FOXP1: variants seen among roughly 807,000 people sequenced by gnomAD.
FOXP1 encodes forkhead box protein P1.
FOXP1 carries 15 observed loss-of-function variants against 98.2 expected under a neutral mutation model. The observed-to-expected ratio is 0.15, with a 90% CI of 0.10 to 0.24. FOXP1 has a LOEUF of 0.24. Among genes scored for constraint, FOXP1 ranks in the 10% least tolerant of loss-of-function variants. The probability of loss-of-function intolerance (pLI) is 1.00; values close to 1 mark genes in which losing one functional copy is unlikely to be tolerated. For synonymous variants in FOXP1, 371 were observed against 314.5 expected (o/e 1.18, Z -1.90); for missense variants, 633 against 848.5 (o/e 0.75, Z 3.15).
At chr3:71,100,261 C>T (rs2056835805) in intron 7 of FOXP1, among the ~76,000 whole-genome samples, 1 of 152,370 alleles carries the variant, frequency 6.6e-6, no homozygotes, top group East Asian at 1.9e-4. Context: ...TTGGTAGTCA[C>T]AACAAAACCT....
chr3:71,096,119 T>C (rs773430439), intron 7 of FOXP1, among the ~76,000 whole-genome samples: 3 of 152,210 alleles, frequency 2.0e-5, no homozygotes, highest in South Asian at 2.1e-4. Flanking sequence ...CTGATGACTA[T>C]AGATGGCTTG....
chr3:71,094,257 T>C (rs560708845), intron 7 of FOXP1, among the ~76,000 whole-genome samples: 1 of 151,626 alleles, frequency 6.6e-6, no homozygotes, highest in Admixed American at 6.6e-5. Flanking sequence ...GAATTTCATA[T>C]AATTCCCTTT....
intron 4 of FOXP1, among the ~76,000 whole-genome samples, chr3:71,335,597 A>G (rs952450388): frequency 6.6e-6 from 1 of 152,212 alleles, no homozygotes; most frequent in African/African-American, 2.4e-5. Flanking sequence ...TGAGGCCTGG[A>G]CACACTCACA....
rs1009597631 is a variant in FOXP1, at chr3:71,581,626, C to CGCCGCT, written c.-381_-376dup. On this transcript the variant is annotated 5_prime_UTR_variant, in exon 2 of 21. Coordinates refer to ENST00000649528, the MANE Select transcript of FOXP1 (RefSeq NM_001349338.3). ...GCGCCGGCAGCACCATGGTCCCCGG[C>CGCCGCT]GCCGCTGCCGCTGCCCCCGGCCCGC... The CGCCGCT allele has an allele frequency of 1.7e-4, 167 of 985,860 alleles. No homozygotes were observed. The highest frequency in any genetic ancestry group is 2.5e-4 in the Admixed American group (4 of 16,292). 61.1% of individuals were successfully genotyped at this position (985,860 alleles called of 1,614,324 possible). A position where few individuals can be genotyped will look rare whatever the true frequency, so the allele number is the denominator to read the frequency against.
intron 4 of FOXP1, among the ~76,000 whole-genome samples, chr3:71,344,137 A>G (rs2077184560): frequency 6.6e-6 from 1 of 152,212 alleles, no homozygotes; most frequent in South Asian, 2.1e-4. Flanking sequence ...GTGGCATTGC[A>G]TACGCATATC....
chr3:70,970,265 C>G (rs2035923347), intron 19 of FOXP1: 2 of 183,130 alleles, frequency 1.1e-5, no homozygotes, highest in African/African-American at 2.4e-5. Context: ...GAACCAGACC[C>G]CAGATCCTCC....
chr3:71,558,800 C>CA (rs2046331573), intron 2 of FOXP1, among the ~76,000 whole-genome samples: 1 of 115,576 alleles, frequency 8.7e-6, no homozygotes, highest in Non-Finnish European at 1.8e-5. Context: ...AGCCGATTCT[C>CA]ACTTTTTTTT....
chr3:71,029,061 C>T (rs1235431588), intron 11 of FOXP1, among the ~76,000 whole-genome samples: 1 of 152,206 alleles, frequency 6.6e-6, no homozygotes, highest in Non-Finnish European at 1.5e-5. Flanking sequence ...TCCTAACAGA[C>T]CATAGACCAG....
chr3:71,211,454 C>G (rs561603377), intron 5 of FOXP1, among the ~76,000 whole-genome samples: 50 of 152,208 alleles, frequency 3.3e-4, no homozygotes, highest in African/African-American at 7.7e-4. Context: ...GATCTTCCCC[C>G]CTTGGCCTCC....
intron 3 of FOXP1, among the ~76,000 whole-genome samples, chr3:71,387,352 A>G (rs1406434248): frequency 6.6e-6 from 1 of 152,222 alleles, no homozygotes; most frequent in Non-Finnish European, 1.5e-5. Context: ...CATCACCTTG[A>G]AGTCTTCCAC....
At chr3:70,975,772 A>AT (rs2037368010) in intron 17 of FOXP1, among the ~76,000 whole-genome samples, 1 of 152,208 alleles carries the variant, frequency 6.6e-6, no homozygotes, top group South Asian at 2.1e-4. Flanking sequence ...GTCCCCTTCT[A>AT]TAAGCAAGAA....
At chr3:71,286,993 C>A (rs1276548631) in intron 5 of FOXP1, among the ~76,000 whole-genome samples, 4 of 152,074 alleles carry the variant, frequency 2.6e-5, no homozygotes, top group African/African-American at 9.7e-5. Flanking sequence ...AATCTAAAGA[C>A]CCACCAGTTG....
At chr3:71,448,533 T>A (rs552502778) in intron 3 of FOXP1, among the ~76,000 whole-genome samples, 1 of 152,230 alleles carries the variant, frequency 6.6e-6, no homozygotes, top group African/African-American at 2.4e-5. Flanking sequence ...TCTGTTGTTA[T>A]TGACCTGTGA....
intron 19 of FOXP1, 34 bp from the exon 20 acceptor site, chr3:70,966,090 C>A: frequency 1.3e-6 from 2 of 1,588,994 alleles, no homozygotes; most frequent in Middle Eastern, 1.7e-4. Flanking sequence ...TATGAAGACA[C>A]AGGGTATGTA....
intron 3 of FOXP1, among the ~76,000 whole-genome samples, chr3:71,360,148 G>A (rs2078455423): frequency 6.6e-6 from 1 of 152,104 alleles, no homozygotes; most frequent in Non-Finnish European, 1.5e-5. Context: ...AATACATCCT[G>A]AGAAATAAGA....
chr3:71,430,325 C>T (rs1427259020), intron 3 of FOXP1, among the ~76,000 whole-genome samples: 1 of 152,102 alleles, frequency 6.6e-6, no homozygotes, highest in African/African-American at 2.4e-5. Context: ...AAATCTGGTG[C>T]AGTATTGCAA....
chr3:71,012,545 C>CA (rs1454804780), intron 12 of FOXP1, among the ~76,000 whole-genome samples: 5 of 152,170 alleles, frequency 3.3e-5, no homozygotes, highest in Admixed American at 6.6e-5. Context: ...ATAATGCTCT[C>CA]AGAGTATAAT....
chr3:71,561,146 T>G (rs2046500873), intron 2 of FOXP1, among the ~76,000 whole-genome samples: 1 of 152,056 alleles, frequency 6.6e-6, no homozygotes, highest in Non-Finnish European at 1.5e-5. Flanking sequence ...AACCTCCGAC[T>G]CCCAGGTTCA....
intron 20 of FOXP1, among the ~76,000 whole-genome samples, chr3:70,963,432 T>G (rs944123660): frequency 6.6e-6 from 1 of 152,230 alleles, no homozygotes; most frequent in Non-Finnish European, 1.5e-5. Flanking sequence ...AAGATACATT[T>G]GAGATGAGAT....
Sources: gnomAD v4.1 joint callset for allele counts (sites outside exome capture counted in the v4.1 genomes callset) on GRCh38, gnomAD v4.1.1 for gene constraint, MANE v1.5 for transcripts, NCBI Gene and HGNC (gene_info 2026-07-23, HGNC 2026-07-21) for gene names.